PRPSAP2: variants seen among roughly 807,000 people sequenced by gnomAD.
The protein encoded by PRPSAP2 is phosphoribosyl pyrophosphate synthetase associated protein 2.
A neutral mutation model predicts 40.6 loss-of-function variants in PRPSAP2; 24 were observed. The ratio of observed to expected loss-of-function variants is 0.59; its 90% CI spans 0.43 to 0.83. The LOEUF (loss-of-function observed/expected upper bound fraction) is 0.83, where lower values mean the gene tolerates loss of function less well. Among genes scored for constraint, PRPSAP2 ranks in the 40% least tolerant of loss-of-function variants. The probability of loss-of-function intolerance (pLI) is 0.00; values close to 1 mark genes in which losing one functional copy is unlikely to be tolerated. For synonymous variants in PRPSAP2, 149 were observed against 164.7 expected, an observed-to-expected ratio of 0.90 and a Z score of 0.73; for missense variants, 292 against 465.6, an observed-to-expected ratio of 0.63 and a Z score of 3.43.
intron 3 of PRPSAP2, among the ~76,000 whole-genome samples, chr17:18,866,156 CTTT>C (rs1320103255): frequency 2.0e-5 from 3 of 151,530 alleles, no homozygotes; most frequent in African/African-American, 7.3e-5. Flanking sequence ...AAGGGCTATT[CTTT>C]TTGTAAACTA....
upstream of PRPSAP2, chr17:18,856,509 A>T (rs560595362): frequency 2.7e-5 from 4 of 148,970 alleles, no homozygotes; most frequent in African/African-American, 9.8e-5. Context: ...GGCAAAGGAA[A>T]TGTTTCAAAC....
intron 9 of PRPSAP2, among the ~76,000 whole-genome samples, chr17:18,913,794 C>T (rs35719071): frequency 0.18 from 26,996 of 150,984 alleles, 2,651 homozygotes; most frequent in African/African-American, 0.24. Flanking sequence ...GTGATCCACC[C>T]GCCTTAACCT....
intron 5 of PRPSAP2, among the ~76,000 whole-genome samples, chr17:18,877,472 C>A (rs2038385234): frequency 1.3e-5 from 2 of 152,082 alleles, no homozygotes; most frequent in Non-Finnish European, 2.9e-5. Context: ...ATAGTGGGAG[C>A]TTGTGGACAC....
At chr17:18,863,855 AT>A (rs2037233625) in intron 1 of PRPSAP2, among the ~76,000 whole-genome samples, 2 of 57,948 alleles carry the variant, frequency 3.5e-5, no homozygotes, top group Admixed American at 2.0e-4. Context: ...TTTTTTTTTA[AT>A]TTTTTAGATG....
intron 1 of PRPSAP2, among the ~76,000 whole-genome samples, chr17:18,862,768 A>G (rs2037121369): frequency 6.6e-6 from 1 of 151,854 alleles, no homozygotes; most frequent in Non-Finnish European, 1.5e-5. Flanking sequence ...GTTTTTATTT[A>G]TTTTCCTGGA....
intron 6 of PRPSAP2, among the ~76,000 whole-genome samples, chr17:18,878,693 G>A (rs997177452): frequency 2.6e-5 from 4 of 152,052 alleles, no homozygotes; most frequent in Non-Finnish European, 5.9e-5. Context: ...AAGTAGCTGG[G>A]ATTACAGGCA....
At chr17:18,857,257 C>T (rs554427081), upstream of PRPSAP2, among the ~76,000 whole-genome samples, 6 of 151,374 alleles carry the variant, frequency 4.0e-5, no homozygotes, top group East Asian at 2.0e-4. Context: ...ATCGCTTGAA[C>T]CCGGGAGACG....
chr17:18,891,875 G>A (rs1013870471), intron 8 of PRPSAP2, among the ~76,000 whole-genome samples: 3 of 152,170 alleles, frequency 2.0e-5, no homozygotes, highest in South Asian at 2.1e-4. Flanking sequence ...GTTATTGTTC[G>A]AGACAAAATC....
chr17:18,891,183 G>A (rs2039524243), intron 8 of PRPSAP2, among the ~76,000 whole-genome samples: 1 of 152,166 alleles, frequency 6.6e-6, no homozygotes, highest in Non-Finnish European at 1.5e-5. Flanking sequence ...CCCTGGGCTC[G>A]TGGGCTGGCA....
chr17:18,866,654 A>G (rs1259432390), intron 3 of PRPSAP2, among the ~76,000 whole-genome samples: 2 of 152,166 alleles, frequency 1.3e-5, no homozygotes, highest in Non-Finnish European at 2.9e-5. Flanking sequence ...TTGTACCCCT[A>G]CTACTGTGTA....
At chr17:18,877,604 A>G in intron 5 of PRPSAP2, 94 bp from the exon 6 acceptor site, 1 of 1,224,226 alleles carries the variant, frequency 8.2e-7, no homozygotes, top group African/African-American at 1.5e-5. Context: ...CTTAGGTTGT[A>G]TAAAGGCATG....
In PRPSAP2 at chr17:18,930,825, T is replaced by A; in HGVS notation, c.*127T>A. On this transcript the variant is annotated 3_prime_UTR_variant, in exon 12 of 12. Coordinates refer to ENST00000268835, the MANE Select transcript of PRPSAP2 (RefSeq NM_002767.4). The stretch of plus-strand genomic sequence containing the variant: ...CCCCTGTAACCTCACTTCTTATTGA[T>A]TCCTAAGAAGATAGACCAACTTTTT... 4.6e-6 allele frequency: 4 copies of A among 869,670 alleles called. No individual in the cohort carries two copies. The highest frequency in any genetic ancestry group is 6.4e-6 in the Non-Finnish European group (4 of 627,574). The allele number at this position is 869,670 out of a possible 1,614,324, so 53.9% of individuals were successfully genotyped here.
At chr17:18,863,856 T>G (rs1367943077) in intron 1 of PRPSAP2, among the ~76,000 whole-genome samples, 3 of 111,812 alleles carry the variant, frequency 2.7e-5, no homozygotes, top group Non-Finnish European at 3.8e-5. Context: ...TTTTTTTTAA[T>G]TTTTTAGATG....
chr17:18,873,055 T>C (rs900594307), intron 5 of PRPSAP2, among the ~76,000 whole-genome samples: 3 of 152,050 alleles, frequency 2.0e-5, no homozygotes, highest in Non-Finnish European at 4.4e-5. Context: ...TTGGCCAGAC[T>C]GGTCTTGAAC....
At chr17:18,922,702 C>G (rs1274693282) in intron 9 of PRPSAP2, among the ~76,000 whole-genome samples, 3 of 137,136 alleles carry the variant, frequency 2.2e-5, no homozygotes, top group Non-Finnish European at 3.1e-5. Flanking sequence ...GCGACAGGGC[C>G]TCACTCTCTC....
chr17:18,896,423 C>G (rs767057727), intron 8 of PRPSAP2, among the ~76,000 whole-genome samples: 1 of 152,110 alleles, frequency 6.6e-6, no homozygotes, highest in Non-Finnish European at 1.5e-5. Context: ...GCTTACAACT[C>G]TGCCTTAGCC....
intron 10 of PRPSAP2, 29 bp from the exon 11 acceptor site, chr17:18,928,782 T>G: frequency 6.2e-7 from 1 of 1,612,098 alleles, no homozygotes. Flanking sequence ...AGTGCTCATA[T>G]ACATTCTTTT....
chr17:18,890,719 C>T (rs1444355306), intron 8 of PRPSAP2, among the ~76,000 whole-genome samples: 4 of 152,212 alleles, frequency 2.6e-5, no homozygotes, highest in African/African-American at 9.6e-5. Context: ...CTGGCGTTTA[C>T]AGTACTGGCG....
intron 1 of PRPSAP2, among the ~76,000 whole-genome samples, chr17:18,862,562 A>C (rs1311229908): frequency 6.6e-6 from 1 of 152,164 alleles, no homozygotes; most frequent in Non-Finnish European, 1.5e-5. Context: ...CACTGTGTTA[A>C]GTGCCTTGCA....
Sources: allele counts gnomAD v4.1 joint callset (sites outside exome capture counted in the v4.1 genomes callset), GRCh38; gene constraint gnomAD v4.1.1; transcripts MANE v1.5; gene names NCBI Gene and HGNC (gene_info 2026-07-23, HGNC 2026-07-21).